The following GEMIN5 variants were observed in gnomAD, a reference collection of about 807,000 sequenced individuals.
GEMIN5 encodes the protein gem-associated protein 5.
In GEMIN5, 124 loss-of-function variants were observed where a neutral mutation model predicts 176.9. The ratio of observed to expected loss-of-function variants is 0.70; its 90% CI spans 0.61 to 0.81. The LOEUF (loss-of-function observed/expected upper bound fraction) is 0.81. Among genes scored for constraint, GEMIN5 ranks in the 40% least tolerant of loss-of-function variants. The pLI, the probability that GEMIN5 is intolerant of heterozygous loss-of-function variation, is 0.00. For synonymous variants in GEMIN5, 673 were observed against 665.2 expected, an observed-to-expected ratio of 1.01 and a Z score of -0.18; for missense variants, 1,843 against 1,814.6, an observed-to-expected ratio of 1.02 and a Z score of -0.28.
chr5:154,905,261 A>T, intron 17 of GEMIN5, 102 bp downstream of exon 17: 2 of 550,856 alleles, frequency 3.6e-6, no homozygotes, highest in East Asian at 6.2e-5. Flanking sequence ...AACCTATAAA[A>T]ACAAACAAGA....
chr5:154,908,101 A>G (rs1007886954), intron 15 of GEMIN5, among the ~76,000 whole-genome samples: 1 of 151,258 alleles, frequency 6.6e-6, no homozygotes, highest in African/African-American at 2.4e-5. Flanking sequence ...AAATCAGGAA[A>G]TTAACACGAT....
chr5:154,910,873 T>C (rs1043072951), intron 15 of GEMIN5, among the ~76,000 whole-genome samples: 1 of 152,108 alleles, frequency 6.6e-6, no homozygotes, highest in African/African-American at 2.4e-5. Flanking sequence ...TAATTTTTTG[T>C]ATTTTTAGTA....
chr5:154,895,336 G>GAAAAAAAAAAAAAAAAAAAAAA (rs370508883), intron 24 of GEMIN5, among the ~76,000 whole-genome samples: 1 of 75,666 alleles, frequency 1.3e-5, no homozygotes, highest in Non-Finnish European at 2.7e-5. Context: ...CTCCAGAAAG[G>GAAAAAAAAAAAAAAAAAAAAAA]AAAAAAAAAA....
At chr5:154,922,844 C>T (rs975857511) in intron 9 of GEMIN5, among the ~76,000 whole-genome samples, 1 of 151,690 alleles carries the variant, frequency 6.6e-6, no homozygotes, top group Admixed American at 6.6e-5. Context: ...ATACAGGCGC[C>T]CACTACCACA....
At position 154,931,524 on chromosome 5, in the gene GEMIN5, C is replaced by G. The variant is rs1436211472; in HGVS notation, c.715G>C (p.Gly239Arg). 2.5e-6 allele frequency: 4 copies of G among 1,611,834 alleles called. No homozygotes were observed. Among genetic ancestry groups the G allele is most frequent in the Non-Finnish European group, 3.4e-6 (4 of 1,177,990 alleles). Residue 239 changes from glycine to arginine, a missense_variant, in exon 5 of 28, where the codon GGT becomes CGT. Transcript: ENST00000285873. ...TTGCTTCCAGTGGCTAAGTAGCAAC[C>G]TTTTGTTACTGGAGCTTGTGCTACA... ...NAVAQAPVTK[G>R]CYLATGSKDQ...
At chr5:154,900,364 A>AT (rs1763438109) in intron 21 of GEMIN5, among the ~76,000 whole-genome samples, 2 of 152,218 alleles carry the variant, frequency 1.3e-5, no homozygotes, top group Admixed American at 1.3e-4. Flanking sequence ...TTTTGAAAGT[A>AT]TTTTGGGACT....
intron 10 of GEMIN5, among the ~76,000 whole-genome samples, chr5:154,921,057 T>A (rs1763911661): frequency 6.6e-6 from 1 of 152,156 alleles, no homozygotes; most frequent in Non-Finnish European, 1.5e-5. Context: ...AGACTGGGTA[T>A]CAGGACCCAG....
At chr5:154,920,147 C>T (rs376430527) in intron 10 of GEMIN5, 44 bp from the exon 11 acceptor site, 9 of 1,546,222 alleles carry the variant, frequency 5.8e-6, no homozygotes, top group Non-Finnish European at 1.8e-6. Flanking sequence ...TGTACTTCAT[C>T]AGCTTAACTA....
In GEMIN5 at chr5:154,919,793, A is replaced by T. The variant is rs575389460; in HGVS notation, c.1599+174T>A. Among the ~76,000 whole-genome samples, 18 of 152,298 alleles carry T rather than the reference A, an allele frequency of 1.2e-4. No homozygotes were observed. In the South Asian group the frequency reaches 3.7e-3, roughly 32 times the overall value. On this transcript the variant is annotated intron_variant, in intron 11 of 27. Coordinates refer to ENST00000285873, the MANE Select transcript of GEMIN5 (RefSeq NM_015465.5). ...ACCTCTTTGTTTTATTCGAGGATAA[A>T]GACTCCTAAGATATATAACTCACAA...
chr5:154,913,783 C>T (rs1301953751), intron 13 of GEMIN5, among the ~76,000 whole-genome samples: 1 of 152,030 alleles, frequency 6.6e-6, no homozygotes, highest in Non-Finnish European at 1.5e-5. Context: ...TGCCACTGTA[C>T]TACAGCCTGG....
intron 13 of GEMIN5, 122 bp from the exon 14 acceptor site, chr5:154,913,160 T>A (rs988625398): frequency 2.5e-5 from 14 of 567,868 alleles, no homozygotes; most frequent in Non-Finnish European, 3.8e-5. Context: ...TTCTAGGTTA[T>A]TTTTTTTTTG....
intron 14 of GEMIN5, 25 bp from the exon 15 acceptor site, chr5:154,911,923 A>G (rs1763710707): frequency 1.9e-6 from 3 of 1,602,608 alleles, no homozygotes; most frequent in Non-Finnish European, 2.6e-6. Flanking sequence ...ACATGGCCGA[A>G]AAGACATTTT....
At chr5:154,929,361 G>C (rs1764112871) in intron 5 of GEMIN5, among the ~76,000 whole-genome samples, 1 of 152,220 alleles carries the variant, frequency 6.6e-6, no homozygotes, top group Non-Finnish European at 1.5e-5. Context: ...CAGAGGTTGG[G>C]ATTACTATTT....
chr5:154,897,923 T>TTC (rs1554101180), intron 23 of GEMIN5, among the ~76,000 whole-genome samples: 1 of 149,370 alleles, frequency 6.7e-6, no homozygotes, highest in Non-Finnish European at 1.5e-5. Context: ...TGTTTTTTTT[T>TTC]TTTTTTTTGA....
rs1452336619 is a variant in GEMIN5, at chr5:154,907,960, T to C, written c.2168-142A>G. On this transcript the variant is annotated intron_variant, in intron 15 of 27. Coordinates refer to ENST00000285873, the MANE Select transcript of GEMIN5 (RefSeq NM_015465.5). ...TTCTCAATGAACTTTTAGAATTATATTATCACAATATTAACCAAACCCTTT... is the reference window on the plus strand; with the variant it reads ...TTCTCAATGAACTTTTAGAATTATACTATCACAATATTAACCAAACCCTTT... 6.2e-6 allele frequency: 4 copies of C among 641,624 alleles called. No individual in the cohort carries two copies. In the East Asian group the frequency reaches 8.0e-5, roughly 13 times the overall value. The allele number at this position is 641,624 out of a possible 1,614,324, so 39.7% of individuals were successfully genotyped here.
chr5:154,933,733 C>T (rs754593300), intron 3 of GEMIN5, among the ~76,000 whole-genome samples: 6 of 151,988 alleles, frequency 3.9e-5, no homozygotes, highest in Non-Finnish European at 5.9e-5. Context: ...TTTGAAGACC[C>T]GGACTTTGAA....
chr5:154,923,143 G>A (rs1763961854), intron 9 of GEMIN5, among the ~76,000 whole-genome samples: 1 of 151,950 alleles, frequency 6.6e-6, no homozygotes, highest in African/African-American at 2.4e-5. Context: ...ACTTTGGGAG[G>A]CTGAGGGTGG....
chr5:154,898,513 CA>C lies in GEMIN5; in HGVS notation c.3271del (p.Cys1091ValfsTer70). On this transcript the variant is annotated frameshift_variant, in exon 23 of 28. Coordinates refer to ENST00000285873, the MANE Select transcript of GEMIN5 (RefSeq NM_015465.5). LOFTEE classifies it high-confidence loss of function. The stretch of plus-strand genomic sequence containing the variant: ...GTTGGCCAGAAGCAGCTCTTGGGCA[CA>C]TCTGAGAGCCAGGGAAGCAGACAAC... ...DELSASLALR[C>X]AQELLLANNW... 1 of 1,614,192 alleles carries C rather than the reference CA, an allele frequency of 6.2e-7. No individual in the cohort carries two copies. Among genetic ancestry groups the C allele is most frequent in the Non-Finnish European group, 8.5e-7 (1 of 1,180,018 alleles).
intron 27 of GEMIN5, among the ~76,000 whole-genome samples, chr5:154,888,708 C>T (rs1352537941): frequency 5.9e-5 from 9 of 152,204 alleles, no homozygotes; most frequent in Admixed American, 5.9e-4. Context: ...CTATCTAATA[C>T]ATGGCACCAA....
Sources: gnomAD v4.1 joint callset for allele counts (sites outside exome capture counted in the v4.1 genomes callset) on GRCh38, gnomAD v4.1.1 for gene constraint, MANE v1.5 for transcripts, NCBI Gene and HGNC (gene_info 2026-07-23, HGNC 2026-07-21) for gene names.